The following SAMMSON variants were observed in gnomAD, a reference collection of about 807,000 sequenced individuals.
SAMMSON encodes survival associated mitochondrial melanoma specific oncogenic non-coding RNA, also known as long intergenic non-protein coding RNA 1212.
At chr3:70,417,915 A>G (rs1472208846) in intron 2 of SAMMSON, among the ~76,000 whole-genome samples, 1 of 152,100 alleles carries the variant, frequency 6.6e-6, no homozygotes, top group Admixed American at 6.5e-5. Flanking sequence ...CCTCATCCTG[A>G]TGGGGTAGGG....
chr3:70,051,004 C>T (rs1484258119), intron 3 of SAMMSON, among the ~76,000 whole-genome samples: 1 of 151,376 alleles, frequency 6.6e-6, no homozygotes, highest in African/African-American at 2.4e-5. Flanking sequence ...GGCATGGTGG[C>T]ACACACCTGT....
chr3:70,356,086 C>G (rs764294373), intron 8 of SAMMSON, among the ~76,000 whole-genome samples: 1 of 152,134 alleles, frequency 6.6e-6, no homozygotes, highest in Admixed American at 6.5e-5. Context: ...ATTCCTAACA[C>G]TTGATTACTG....
intron 9 of SAMMSON, among the ~76,000 whole-genome samples, chr3:70,388,750 G>A (rs1194079249): frequency 2.6e-5 from 4 of 152,132 alleles, no homozygotes; most frequent in African/African-American, 9.7e-5. Context: ...AATCATGTAG[G>A]AATGCCTGAG....
chr3:70,260,279 T>C (rs1048542543), intron 6 of SAMMSON, among the ~76,000 whole-genome samples: 1 of 152,148 alleles, frequency 6.6e-6, no homozygotes, highest in Non-Finnish European at 1.5e-5. Flanking sequence ...GCATTTCCCC[T>C]GTGTGTGTCT....
intron 4 of SAMMSON, among the ~76,000 whole-genome samples, chr3:70,159,420 G>A (rs2067605285): frequency 1.3e-5 from 2 of 151,446 alleles, no homozygotes; most frequent in Admixed American, 6.6e-5. Flanking sequence ...CCTAAGAGCA[G>A]GATTGCTGGA....
chr3:70,200,965 G>A (rs1014122116), intron 4 of SAMMSON, among the ~76,000 whole-genome samples: 3 of 151,532 alleles, frequency 2.0e-5, no homozygotes, highest in African/African-American at 7.3e-5. Context: ...ACTTTTTTTG[G>A]GGTGGGGGTG....
At position 70,222,719 on chromosome 3, in the gene SAMMSON, A is replaced by C. The variant is rs578209800; in HGVS notation, n.508-26388A>C. Among the ~76,000 whole-genome samples, 135 of 152,300 alleles carry C rather than the reference A, an allele frequency of 8.9e-4. 1 individual carries two copies. In the South Asian group the frequency reaches 0.017, roughly 19 times the overall value. Reference sequence around the variant, plus strand: ...AAGTGAGCCAGCCATACTTTGTACAAAGTTGTCTCTTGGTGATAGAAACTG... The same window carrying C: ...AAGTGAGCCAGCCATACTTTGTACACAGTTGTCTCTTGGTGATAGAAACTG... On this transcript the variant is annotated intron_variant and non_coding_transcript_variant, in intron 4 of 9. Transcript: ENST00000642114.
At chr3:70,252,866 G>A (rs988878532) in intron 6 of SAMMSON, among the ~76,000 whole-genome samples, 1 of 151,810 alleles carries the variant, frequency 6.6e-6, no homozygotes, top group Non-Finnish European at 1.5e-5. Flanking sequence ...GATCACCTGA[G>A]GTCAGGAGTT....
intron 7 of SAMMSON, among the ~76,000 whole-genome samples, chr3:70,310,177 G>A (rs1382214569): frequency 6.6e-6 from 1 of 151,964 alleles, no homozygotes; most frequent in Non-Finnish European, 1.5e-5. Context: ...AAAGAAGTTA[G>A]AGAATTTTCA....
chr3:70,357,204 C>T (rs1471188154), intron 8 of SAMMSON, among the ~76,000 whole-genome samples: 3 of 152,000 alleles, frequency 2.0e-5, no homozygotes, highest in East Asian at 3.9e-4. Context: ...AACTGCATAG[C>T]GAGAATCTCT....
At chr3:70,028,914 T>C (rs549052765) in intron 3 of SAMMSON, among the ~76,000 whole-genome samples, 2 of 152,318 alleles carry the variant, frequency 1.3e-5, no homozygotes, top group South Asian at 2.1e-4. Flanking sequence ...CATTGCCCAC[T>C]GAACTCAAGC....
intron 4 of SAMMSON, among the ~76,000 whole-genome samples, chr3:70,188,693 T>C (rs1279720277): frequency 1.3e-5 from 2 of 152,232 alleles, no homozygotes; most frequent in African/African-American, 4.8e-5. Context: ...CCATATATAC[T>C]AAGCCTACGC....
At chr3:70,290,388 G>A (rs1702223224) in intron 6 of SAMMSON, among the ~76,000 whole-genome samples, 1 of 152,192 alleles carries the variant, frequency 6.6e-6, no homozygotes, top group Non-Finnish European at 1.5e-5. Context: ...CAGGGGTCAG[G>A]GACCCACTTG....
chr3:70,287,454 T>TGG (rs1702178185), intron 6 of SAMMSON, among the ~76,000 whole-genome samples: 2 of 151,406 alleles, frequency 1.3e-5, no homozygotes, highest in Non-Finnish European at 3.0e-5. Context: ...GCTGGATTCA[T>TGG]TTTGCCAGTA....
At chr3:70,084,857 C>T (rs1009334256) in intron 4 of SAMMSON, 1 of 152,180 alleles carries the variant, frequency 6.6e-6, no homozygotes, top group African/African-American at 2.4e-5. Flanking sequence ...CCCCAATTTG[C>T]AGATGGGAAT....
intron 6 of SAMMSON, among the ~76,000 whole-genome samples, chr3:70,255,108 T>A (rs1701802910): frequency 6.6e-6 from 1 of 152,204 alleles, no homozygotes; most frequent in Admixed American, 6.5e-5. Flanking sequence ...GTTCAACTAA[T>A]GAAACAGTGA....
At chr3:70,383,923 G>C (rs1040868291) in intron 9 of SAMMSON, among the ~76,000 whole-genome samples, 11 of 151,896 alleles carry the variant, frequency 7.2e-5, no homozygotes, top group African/African-American at 2.4e-4. Context: ...TGTTTTTCTT[G>C]TATCAGCACT....
intron 4 of SAMMSON, among the ~76,000 whole-genome samples, chr3:70,076,782 C>T (rs540488249): frequency 2.0e-5 from 3 of 152,040 alleles, no homozygotes; most frequent in Non-Finnish European, 2.9e-5. Flanking sequence ...ATTTGGAATG[C>T]GTTTCTACCA....
At chr3:70,222,742 C>T (rs543000121) in intron 4 of SAMMSON, among the ~76,000 whole-genome samples, 10 of 152,178 alleles carry the variant, frequency 6.6e-5, no homozygotes, top group African/African-American at 2.2e-4. Context: ...GTGATAGAAA[C>T]TGGTATAAAT....
Sources: allele counts gnomAD v4.1 joint callset (sites outside exome capture counted in the v4.1 genomes callset), GRCh38; gene constraint gnomAD v4.1.1; transcripts MANE v1.5; gene names NCBI Gene and HGNC (gene_info 2026-07-23, HGNC 2026-07-21).